WDR49: variants seen among roughly 807,000 people sequenced by gnomAD.
WDR49 encodes the protein cilia- and flagella-associated protein 337.
WDR49 carries 107 observed loss-of-function variants against 119.5 expected under a neutral mutation model. The observed-to-expected ratio is 0.90, with a 90% CI of 0.77 to 1.05. WDR49 has a LOEUF of 1.05. WDR49 is among the 50% of genes least tolerant of loss of function. The pLI, the probability that WDR49 is intolerant of heterozygous loss-of-function variation, is 0.00. For missense variants in WDR49, 1,240 were observed against 1,220.5 expected (o/e 1.02, Z -0.24); for synonymous variants, 425 against 418.8 (o/e 1.01, Z -0.18).
intron 10 of WDR49, among the ~76,000 whole-genome samples, chr3:167,553,851 T>G (rs1185529341): frequency 6.6e-6 from 1 of 152,106 alleles, no homozygotes; most frequent in Non-Finnish European, 1.5e-5. Context: ...TGGTCTGCAT[T>G]TGCACATTTG....
chr3:167,560,101 G>C lies in WDR49; in HGVS notation c.1637C>G (p.Thr546Ser), dbSNP rs753459891. Residue 546 changes from threonine to serine, a missense_variant, in exon 9 of 19, where the codon ACT (threonine) becomes AGT (serine). Transcript: ENST00000682715. ...ATCTGTGCTGCCAGTCAAAAGCCGA[G>C]TCTCATTTGCATCAAGGGCCATAGT... is the stretch of plus-strand genomic sequence containing the variant. ...ISTMALDANETRLLTGSTDGT... is the reference protein window; with the variant it reads ...ISTMALDANESRLLTGSTDGT... 6.2e-7 allele frequency: 1 copy of C among 1,614,022 alleles called. No individual in the cohort carries two copies. Among genetic ancestry groups the C allele is most frequent in the African/African-American group, 1.3e-5 (1 of 74,912 alleles).
At chr3:167,592,183 C>T (rs1444145311) in intron 7 of WDR49, among the ~76,000 whole-genome samples, 1 of 152,098 alleles carries the variant, frequency 6.6e-6, no homozygotes, top group Non-Finnish European at 1.5e-5. Context: ...AAAAAGAAAA[C>T]TAATAAAGAC....
At chr3:167,607,300 G>T (rs1219494523) in intron 5 of WDR49, among the ~76,000 whole-genome samples, 2 of 152,284 alleles carry the variant, frequency 1.3e-5, no homozygotes, top group East Asian at 1.9e-4. Flanking sequence ...GCAGGAGAAG[G>T]TCAGAGAGAA....
At chr3:167,611,726 TA>T (rs936700207) in intron 5 of WDR49, among the ~76,000 whole-genome samples, 1 of 151,928 alleles carries the variant, frequency 6.6e-6, no homozygotes, top group African/African-American at 2.4e-5. Context: ...ACAAAAACTA[TA>T]AAAAGATACA....
At chr3:167,544,646 A>T (rs1053185193) in intron 10 of WDR49, among the ~76,000 whole-genome samples, 2 of 152,110 alleles carry the variant, frequency 1.3e-5, no homozygotes, top group Non-Finnish European at 2.9e-5. Flanking sequence ...AGCCACATGT[A>T]GAATGAAGCT....
intron 7 of WDR49, among the ~76,000 whole-genome samples, chr3:167,600,605 A>G (rs976968978): frequency 4.6e-5 from 7 of 152,168 alleles, no homozygotes; most frequent in African/African-American, 1.7e-4. Flanking sequence ...TACATTTTCA[A>G]TACTGATGCA....
intron 18 of WDR49, among the ~76,000 whole-genome samples, chr3:167,498,887 G>A (rs890057165): frequency 3.9e-5 from 6 of 152,110 alleles, no homozygotes; most frequent in Non-Finnish European, 8.8e-5. Context: ...GTAGACAGCA[G>A]GAGAAGGTAA....
At chr3:167,641,961 T>C (rs1013457645) in intron 2 of WDR49, among the ~76,000 whole-genome samples, 1 of 151,742 alleles carries the variant, frequency 6.6e-6, no homozygotes, top group East Asian at 1.9e-4. Flanking sequence ...TAGACATACA[T>C]GTATTTAAAA....
In WDR49 at chr3:167,532,946, G is replaced by T. The variant is rs1752900800; in HGVS notation, c.1986C>A (p.Asn662Lys). ...CATGGTGAGCATTCTCTGTGCTATT[G>T]TTCCATAGAACAATTTCTCCATCAT... ...GSYDGEIVLW[N>K]NSTENAHHVL... Residue 662 changes from asparagine to lysine, a missense_variant, in exon 12 of 19, where the codon AAC becomes AAA. Transcript: ENST00000682715. 2.5e-6 allele frequency: 4 copies of T among 1,608,342 alleles called. No homozygotes were observed. The highest frequency in any genetic ancestry group is 2.2e-5 in the East Asian group (1 of 44,690).
At chr3:167,584,152 C>T (rs934183520) in intron 7 of WDR49, among the ~76,000 whole-genome samples, 32 of 151,990 alleles carry the variant, frequency 2.1e-4, no homozygotes, top group Admixed American at 1.3e-4. Flanking sequence ...GAAATTAAAA[C>T]CCAGTGTATG....
At chr3:167,514,912 A>T (rs1475646604) in intron 16 of WDR49, among the ~76,000 whole-genome samples, 1 of 152,018 alleles carries the variant, frequency 6.6e-6, no homozygotes, top group African/African-American at 2.4e-5. Context: ...GGACACAAAC[A>T]CCCTCTCAAG....
chr3:167,633,727 CT>C (rs1055528457), intron 2 of WDR49, among the ~76,000 whole-genome samples: 47 of 152,088 alleles, frequency 3.1e-4, no homozygotes, highest in African/African-American at 1.1e-3. Flanking sequence ...AGACACACAT[CT>C]TTAAATTAGT....
chr3:167,552,957 C>T (rs993142610), intron 10 of WDR49, among the ~76,000 whole-genome samples: 11 of 152,024 alleles, frequency 7.2e-5, no homozygotes, highest in African/African-American at 1.4e-4. Flanking sequence ...CTTAGTAAGA[C>T]GACTGTCAAT....
In WDR49 at chr3:167,653,368, T is replaced by C; in HGVS notation, c.58A>G (p.Ser20Gly). The stretch of plus-strand genomic sequence containing the variant: ...GTTACACCTTCTGTTCTCTCAGGAC[T>C]CTTTGGCCCAAGCTGTGACCCTATG... The part of the protein sequence containing the change: ...LNIGSQLGPK[S>G]PERTEGVTAF... The change falls in exon 2 of 19, where the codon AGT becomes GGT. Residue 20 changes from serine to glycine, a missense_variant. Ser to Gly is a moderately conservative substitution (Grantham distance 56). Coordinates refer to ENST00000682715, the MANE Select transcript of WDR49 (RefSeq NM_001366157.1). The C allele has an allele frequency of 6.5e-7, 1 of 1,535,980 alleles. No homozygotes were observed. Among genetic ancestry groups the C allele is most frequent in the South Asian group, 1.2e-5 (1 of 84,036 alleles).
intron 16 of WDR49, among the ~76,000 whole-genome samples, chr3:167,516,106 A>C (rs1752189703): frequency 6.6e-6 from 1 of 151,876 alleles, no homozygotes; most frequent in African/African-American, 2.4e-5. Context: ...CTACTCTTGA[A>C]ATTTTTTTTA....
At chr3:167,578,626 G>T (rs550732429) in intron 7 of WDR49, among the ~76,000 whole-genome samples, 1 of 151,670 alleles carries the variant, frequency 6.6e-6, no homozygotes, top group Non-Finnish European at 1.5e-5. Context: ...ATTAATTATT[G>T]ACCCACTAAT....
chr3:167,652,737 G>C (rs1718445465), intron 2 of WDR49, among the ~76,000 whole-genome samples: 1 of 152,166 alleles, frequency 6.6e-6, no homozygotes, highest in African/African-American at 2.4e-5. Flanking sequence ...ATGAGTGGGA[G>C]ACTCGTCCCT....
chr3:167,617,163 A>G (rs1577280128), intron 5 of WDR49, among the ~76,000 whole-genome samples: 1 of 152,318 alleles, frequency 6.6e-6, no homozygotes, highest in Non-Finnish European at 1.5e-5. Flanking sequence ...GAGGCAAAAT[A>G]AAGAGTTTGA....
At chr3:167,548,916 C>T (rs1712374274) in intron 10 of WDR49, among the ~76,000 whole-genome samples, 1 of 152,066 alleles carries the variant, frequency 6.6e-6, no homozygotes, top group Non-Finnish European at 1.5e-5. Context: ...TTGTTCAATT[C>T]CCACCTATGA....
Sources: allele counts gnomAD v4.1 joint callset (sites outside exome capture counted in the v4.1 genomes callset), GRCh38; gene constraint gnomAD v4.1.1; transcripts MANE v1.5; gene names NCBI Gene and HGNC (gene_info 2026-07-23, HGNC 2026-07-21).